MKLN1: variants seen among roughly 807,000 people sequenced by gnomAD.
MKLN1 encodes muskelin 1.
In MKLN1, 18 loss-of-function variants were observed where a neutral mutation model predicts 99.0. The ratio of observed to expected loss-of-function variants is 0.18; its 90% CI spans 0.13 to 0.27. The LOEUF (loss-of-function observed/expected upper bound fraction) is 0.27. MKLN1 is among the 10% of genes least tolerant of loss of function. MKLN1 has a pLI of 1.00. For missense variants in MKLN1, 621 were observed against 875.9 expected (o/e 0.71, Z 3.67); for synonymous variants, 288 against 293.2 (o/e 0.98, Z 0.18).
At chr7:131,207,187 T>G (rs1796825930) in intron 3 of MKLN1, among the ~76,000 whole-genome samples, 1 of 152,128 alleles carries the variant, frequency 6.6e-6, no homozygotes. Context: ...GGATTCTATG[T>G]GTGTTATTTA....
chr7:131,203,944 T>G (rs1299251926), intron 3 of MKLN1, among the ~76,000 whole-genome samples: 1 of 152,160 alleles, frequency 6.6e-6, no homozygotes, highest in Non-Finnish European at 1.5e-5. Flanking sequence ...CGAAGAACAC[T>G]GAAAAACTAT....
chr7:131,414,459 G>A (rs1563336207), intron 7 of MKLN1, among the ~76,000 whole-genome samples, 186 bp from the exon 8 acceptor site: 1 of 151,910 alleles, frequency 6.6e-6, no homozygotes, highest in Non-Finnish European at 1.5e-5. Context: ...TTGGAAAAAA[G>A]AACAAGATTA....
chr7:131,253,126 G>A (rs188909765), intron 3 of MKLN1, among the ~76,000 whole-genome samples: 38 of 152,208 alleles, frequency 2.5e-4, no homozygotes, highest in Admixed American at 4.6e-4. Flanking sequence ...TCCTAAGGGC[G>A]TACAACAAAT....
At chr7:131,238,935 T>C (rs1336368173) in intron 3 of MKLN1, among the ~76,000 whole-genome samples, 1 of 152,180 alleles carries the variant, frequency 6.6e-6, no homozygotes, top group African/African-American at 2.4e-5. Context: ...TCACATTCTA[T>C]CCACTAGAAT....
chr7:131,195,223 A>C (rs1348826141), intron 2 of MKLN1, among the ~76,000 whole-genome samples: 1 of 152,154 alleles, frequency 6.6e-6, no homozygotes, highest in Non-Finnish European at 1.5e-5. Flanking sequence ...AAATATGTGG[A>C]CAGTGGGCCG....
At chr7:131,125,726 C>T (rs1355652071) in intron 1 of MKLN1, among the ~76,000 whole-genome samples, 1 of 152,002 alleles carries the variant, frequency 6.6e-6, no homozygotes, top group Admixed American at 6.6e-5. Context: ...TAAAAACAGC[C>T]TGGCACGGTG....
chr7:131,349,201 C>CT (rs11462857), intron 1 of MKLN1, among the ~76,000 whole-genome samples: 124,338 of 148,184 alleles, frequency 0.84, 52,126 homozygotes, highest in East Asian at 0.98. Flanking sequence ...TTAAATCTAT[C>CT]TTTTTTTTTT....
chr7:131,252,725 G>T (rs192223570), intron 3 of MKLN1, among the ~76,000 whole-genome samples: 1 of 152,134 alleles, frequency 6.6e-6, no homozygotes. Context: ...TAGAGAAAGA[G>T]CTAAGAATCA....
At chr7:131,370,066 G>A (rs560161215) in intron 1 of MKLN1, among the ~76,000 whole-genome samples, 3 of 152,208 alleles carry the variant, frequency 2.0e-5, no homozygotes, top group African/African-American at 7.2e-5. Context: ...TCAAACTCCT[G>A]ACCTCAGGTG....
At chr7:131,275,100 A>G (rs1368911848) in intron 3 of MKLN1, among the ~76,000 whole-genome samples, 1 of 152,160 alleles carries the variant, frequency 6.6e-6, no homozygotes, top group Non-Finnish European at 1.5e-5. Context: ...TGGTTGGCTT[A>G]TAAACAACAG....
At chr7:131,463,108 A>C in intron 12 of MKLN1, 109 bp from the exon 13 acceptor site, 1 of 935,790 alleles carries the variant, frequency 1.1e-6, no homozygotes, top group South Asian at 1.6e-5. Context: ...TGGGCAACAG[A>C]GTGAAATGCT....
At chr7:131,370,069 C>A (rs527284155) in intron 1 of MKLN1, among the ~76,000 whole-genome samples, 1 of 152,226 alleles carries the variant, frequency 6.6e-6, no homozygotes, top group Non-Finnish European at 1.5e-5. Context: ...AACTCCTGAC[C>A]TCAGGTGATC....
intron 3 of MKLN1, chr7:131,242,936 G>C: frequency 1.5e-6 from 1 of 654,186 alleles, no homozygotes; most frequent in Non-Finnish European, 2.9e-6. Flanking sequence ...GAGAGGCCAA[G>C]GTCAAGTTTG....
intron 8 of MKLN1, among the ~76,000 whole-genome samples, chr7:131,425,537 A>G (rs1206017803): frequency 6.6e-6 from 1 of 152,174 alleles, no homozygotes; most frequent in African/African-American, 2.4e-5. Flanking sequence ...ACTGGGGACT[A>G]TGTCTTCTTT....
At chr7:131,305,466 C>T in intron 3 of MKLN1, among the ~76,000 whole-genome samples, 1 of 152,176 alleles carries the variant, frequency 6.6e-6, no homozygotes, top group African/African-American at 2.4e-5. Context: ...CAAAAATATT[C>T]TGGGTCTGTC....
intron 3 of MKLN1, among the ~76,000 whole-genome samples, chr7:131,237,170 T>G (rs559165138): frequency 6.6e-6 from 1 of 152,344 alleles, no homozygotes; most frequent in South Asian, 2.1e-4. Flanking sequence ...TATCACACAA[T>G]GTCCAGATAC....
chr7:131,373,979 C>T (rs574626095), intron 1 of MKLN1, among the ~76,000 whole-genome samples: 1 of 152,066 alleles, frequency 6.6e-6, no homozygotes, highest in Non-Finnish European at 1.5e-5. Flanking sequence ...GTTTCATTGA[C>T]CTTTCCTCTG....
chr7:131,312,213 G>A, intron 3 of MKLN1, among the ~76,000 whole-genome samples: 1 of 152,104 alleles, frequency 6.6e-6, no homozygotes, highest in Admixed American at 6.6e-5. Context: ...AGTAGAGATG[G>A]TGTTTCACCA....
chr7:131,255,998 T>C (rs1797652791), intron 3 of MKLN1, among the ~76,000 whole-genome samples: 1 of 151,654 alleles, frequency 6.6e-6, no homozygotes, highest in African/African-American at 2.4e-5. Context: ...CTTCACCTCC[T>C]GGGTTCAAGT....
Sources: gnomAD v4.1 joint callset for allele counts (sites outside exome capture counted in the v4.1 genomes callset) on GRCh38, gnomAD v4.1.1 for gene constraint, MANE v1.5 for transcripts, NCBI Gene and HGNC (gene_info 2026-07-23, HGNC 2026-07-21) for gene names.